Variants in LHPP observed in about 807,000 individuals in gnomAD.
LHPP encodes the protein hLHPP.
LHPP carries 24 observed loss-of-function variants against 30.3 expected under a neutral mutation model. That is an observed-to-expected ratio of 0.79 (90% CI 0.57 to 1.11). The LOEUF is 1.11. LHPP is among the 50% of genes most tolerant of loss of function. The pLI is 0.00. For synonymous variants in LHPP, 150 were observed against 157.1 expected (o/e 0.95, Z 0.34); for missense variants, 356 against 367.2 (o/e 0.97, Z 0.25).
intron 1 of LHPP, among the ~76,000 whole-genome samples, chr10:124,465,067 T>G (rs1300370934): frequency 6.6e-6 from 1 of 151,972 alleles, no homozygotes; most frequent in Non-Finnish European, 1.5e-5. Flanking sequence ...CTAAGGGGTG[T>G]GAAGACGGGA....
At chr10:124,582,671 A>G (rs1948757410) in intron 6 of LHPP, among the ~76,000 whole-genome samples, 1 of 152,170 alleles carries the variant, frequency 6.6e-6, no homozygotes, top group Non-Finnish European at 1.5e-5. Flanking sequence ...TACACCCTAT[A>G]TTCTTACAAT....
rs1453721435 is a variant in LHPP, at chr10:124,496,463, C to T, written c.468-498C>T. On this transcript the variant is annotated intron_variant, in intron 3 of 6. Coordinates refer to ENST00000368842, the MANE Select transcript of LHPP (RefSeq NM_022126.4). This position sits in a 1 kb window ranked among gnomAD's most constrained non-coding sequence, Gnocchi z 4.3. ...CTGGCGCCCATGAAACCTGGCACCTCGCTTGACCTCCGGCTAACGGGATGC... is the reference window on the plus strand; with the variant it reads ...CTGGCGCCCATGAAACCTGGCACCTTGCTTGACCTCCGGCTAACGGGATGC... Among the ~76,000 whole-genome samples, 4 of 152,290 alleles carry T rather than the reference C, an allele frequency of 2.6e-5. No individual in the cohort carries two copies. The highest frequency in any genetic ancestry group is 3.4e-3 in the Middle Eastern group (1 of 294).
At position 124,509,360 on chromosome 10, in the gene LHPP, G is replaced by A. The variant is rs762425185; in HGVS notation, c.625-7820G>A. Among the ~76,000 whole-genome samples the A allele has an allele frequency of 2.0e-5, 3 of 152,222 alleles. No homozygotes were observed. In the South Asian group the frequency reaches 6.2e-4, roughly 32 times the overall value. On this transcript the variant is annotated intron_variant, in intron 5 of 6. Coordinates refer to ENST00000368842, the MANE Select transcript of LHPP (RefSeq NM_022126.4). ...AGGCTGCTTCCAGTTTCGCTCTTGT[G>A]CGTAACCCTGATGAACACATCTTGT... is the stretch of plus-strand genomic sequence containing the variant.
chr10:124,521,055 G>A (rs1954598102), intron 6 of LHPP, among the ~76,000 whole-genome samples: 1 of 152,198 alleles, frequency 6.6e-6, no homozygotes, highest in Non-Finnish European at 1.5e-5. Flanking sequence ...CCCTCCTCCT[G>A]CACTGTCCCC....
rs1298120643 is a variant in LHPP, at chr10:124,523,135, C to T, written c.716+5864C>T. Among the ~76,000 whole-genome samples, 2 of 152,230 alleles carry T rather than the reference C, an allele frequency of 1.3e-5. No individual in the cohort carries two copies. Among genetic ancestry groups the T allele is most frequent in the Admixed American group, 6.5e-5 (1 of 15,292 alleles). ...GTAAATAAAGCCGCGATGCGGAGCT[C>T]GCCTCTGGTCTTCTCTTATTGTTTA... On this transcript the variant is annotated intron_variant, in intron 6 of 6. Coordinates refer to ENST00000368842, the MANE Select transcript of LHPP (RefSeq NM_022126.4). The surrounding 1 kb of genome is among the most constrained non-coding windows in gnomAD (Gnocchi z 4.2).
At chr10:124,514,069 C>T (rs547456851) in intron 5 of LHPP, among the ~76,000 whole-genome samples, 1 of 152,338 alleles carries the variant, frequency 6.6e-6, no homozygotes, top group African/African-American at 2.4e-5. Context: ...CCTGAAGGAG[C>T]TCCTACTTCT....
At chr10:124,534,337 T>C (rs1486088705) in intron 6 of LHPP, among the ~76,000 whole-genome samples, 1 of 152,170 alleles carries the variant, frequency 6.6e-6, no homozygotes, top group African/African-American at 2.4e-5. Flanking sequence ...AGCTTGTCTT[T>C]TAGTTTGTTT....
At chr10:124,518,505 C>T (rs1328967055) in intron 6 of LHPP, among the ~76,000 whole-genome samples, 1 of 152,266 alleles carries the variant, frequency 6.6e-6, no homozygotes, top group African/African-American at 2.4e-5. Context: ...TGCCTGGCGT[C>T]AGCCGTCAGG....
At chr10:124,526,183 T>C in intron 6 of LHPP, 1 of 985,420 alleles carries the variant, frequency 1.0e-6, no homozygotes, top group Non-Finnish European at 1.2e-6. Context: ...GCACGTGCTC[T>C]GGACCTGGTG....
intron 6 of LHPP, among the ~76,000 whole-genome samples, chr10:124,600,090 G>A (rs1410108800): frequency 1.3e-5 from 2 of 152,178 alleles, no homozygotes; most frequent in African/African-American, 2.4e-5. Flanking sequence ...ATGAGTGCTC[G>A]GGAGCGGGGA....
In LHPP at chr10:124,596,636, C is replaced by A. The variant is rs1335663426; in HGVS notation, c.717-16628C>A. Among the ~76,000 whole-genome samples, 3 of 152,148 alleles carry A rather than the reference C, an allele frequency of 2.0e-5. No homozygotes were observed. Among genetic ancestry groups the A allele is most frequent in the African/African-American group, 4.8e-5 (2 of 41,428 alleles). On this transcript the variant is annotated intron_variant, in intron 6 of 6. Transcript: ENST00000368842. The surrounding 1 kb of genome is among the most constrained non-coding windows in gnomAD (Gnocchi z 4.6). Reference sequence around the variant, plus strand: ...TGGAACAAGAGCCCTAAACGTGGGACCCTAAACAACACCCAGGGAGGAGCA... The same window carrying A: ...TGGAACAAGAGCCCTAAACGTGGGAACCTAAACAACACCCAGGGAGGAGCA...
In LHPP at chr10:124,465,520, A is replaced by C. The variant is rs147393852; in HGVS notation, c.125+3533A>C. 2.8e-3 allele frequency among the ~76,000 whole-genome samples: 429 copies of C among 152,374 alleles called. 2 individuals carry two copies. Among genetic ancestry groups the C allele is most frequent in the African/African-American group, 1.0e-2 (414 of 41,592 alleles). ...ATCCAGGCCTTGAAATCTAGAAAGC[A>C]AAAACAACGAACAAGCAGCCCAATA... On this transcript the variant is annotated intron_variant, in intron 1 of 6. Coordinates refer to ENST00000368842, the MANE Select transcript of LHPP (RefSeq NM_022126.4).
intron 6 of LHPP, among the ~76,000 whole-genome samples, chr10:124,558,688 C>T (rs1366758302): frequency 6.6e-6 from 1 of 152,218 alleles, no homozygotes; most frequent in Non-Finnish European, 1.5e-5. Flanking sequence ...CGCACGGGCT[C>T]AGGACTCACT....
At chr10:124,589,035 C>T (rs1025874181) in intron 6 of LHPP, among the ~76,000 whole-genome samples, 3 of 152,210 alleles carry the variant, frequency 2.0e-5, no homozygotes, top group Non-Finnish European at 2.9e-5. Flanking sequence ...GTGAGGGCTC[C>T]GAGATGATCT....
chr10:124,481,373 C>CTTTTTTTTTTT (rs34839158), intron 1 of LHPP, among the ~76,000 whole-genome samples: 1 of 85,028 alleles, frequency 1.2e-5, no homozygotes, highest in Non-Finnish European at 2.2e-5. Flanking sequence ...TATCTGCCCC[C>CTTTTTTTTTTT]TTTTTTTTTT....
intron 6 of LHPP, among the ~76,000 whole-genome samples, chr10:124,559,171 C>G (rs1411952467): frequency 6.6e-6 from 1 of 152,200 alleles, no homozygotes; most frequent in Non-Finnish European, 1.5e-5. Flanking sequence ...TACCCCCAGG[C>G]TAGTTAAGGA....
chr10:124,486,968 C>T (rs1204140552), intron 2 of LHPP, among the ~76,000 whole-genome samples: 1 of 152,230 alleles, frequency 6.6e-6, no homozygotes, highest in Non-Finnish European at 1.5e-5. Flanking sequence ...CCTAGTCCTG[C>T]TGAGTTAACC....
chr10:124,466,370 G>A lies in LHPP; in HGVS notation c.125+4383G>A, dbSNP rs559774829. 1.8e-4 allele frequency among the ~76,000 whole-genome samples: 28 copies of A among 152,352 alleles called. 1 individual carries two copies. Among genetic ancestry groups the A allele is most frequent in the Admixed American group, 1.8e-3 (28 of 15,300 alleles). On this transcript the variant is annotated intron_variant, in intron 1 of 6. Coordinates refer to ENST00000368842, the MANE Select transcript of LHPP (RefSeq NM_022126.4). ...CAGGCTGCTTCAGAGTCTGGGAAGA[G>A]CTGGAGGATAAGGAAAGTGGGGGCC...
At chr10:124,606,718 G>A (rs953732647) in intron 6 of LHPP, among the ~76,000 whole-genome samples, 1 of 151,244 alleles carries the variant, frequency 6.6e-6, no homozygotes, top group Non-Finnish European at 1.5e-5. Context: ...CTGGGGGCCT[G>A]GGCTGGGCCT....
Sources: allele counts gnomAD v4.1 joint callset (sites outside exome capture counted in the v4.1 genomes callset), GRCh38; gene constraint gnomAD v4.1.1; non-coding constraint Gnocchi (gnomAD v3.1); transcripts MANE v1.5; gene names NCBI Gene and HGNC (gene_info 2026-07-23, HGNC 2026-07-21).